Variants in NKAIN3 observed in about 807,000 individuals in gnomAD.
NKAIN3 encodes sodium/potassium transporting ATPase interacting 3.
In NKAIN3, 25 loss-of-function variants were observed where a neutral mutation model predicts 30.2. The observed-to-expected ratio is 0.83, with a 90% CI of 0.60 to 1.16. The LOEUF is 1.16. NKAIN3 is among the 50% of genes most tolerant of loss of function. The pLI is 0.00. For synonymous variants in NKAIN3, 91 were observed against 89.6 expected (o/e 1.02, Z -0.09); for missense variants, 225 against 254.1 (o/e 0.89, Z 0.78).
chr8:62,729,005 CA>C (rs1815360186), intron 3 of NKAIN3, among the ~76,000 whole-genome samples: 1 of 16,542 alleles, frequency 6.0e-5, no homozygotes, highest in Admixed American at 8.4e-4. Flanking sequence ...AAACAAAAAA[CA>C]AAACAAAACA....
intron 1 of NKAIN3, among the ~76,000 whole-genome samples, chr8:62,439,507 C>T (rs1805264465): frequency 1.3e-5 from 2 of 152,170 alleles, no homozygotes; most frequent in African/African-American, 4.8e-5. Flanking sequence ...AATAGATTTC[C>T]TTTAAGTGTC....
intron 1 of NKAIN3, among the ~76,000 whole-genome samples, chr8:62,294,289 T>G (rs945523400): frequency 9.2e-5 from 14 of 152,154 alleles, no homozygotes; most frequent in African/African-American, 3.1e-4. Flanking sequence ...ATCACCCGTC[T>G]TCTGCATCAC....
intron 4 of NKAIN3, among the ~76,000 whole-genome samples, chr8:62,827,794 C>T (rs1819071871): frequency 6.6e-6 from 1 of 152,128 alleles, no homozygotes; most frequent in African/African-American, 2.4e-5. Flanking sequence ...TAATAATTAA[C>T]ATTAAGAAAC....
In NKAIN3 at chr8:62,974,905, T is replaced by A. The variant is rs1273364067; in HGVS notation, c.*9498T>A. Among the ~76,000 whole-genome samples, 5 of 152,364 alleles carry A rather than the reference T, an allele frequency of 3.3e-5. No homozygotes were observed. The East Asian group carries it at 9.6e-4, about 29-fold the overall frequency. On this transcript the variant is annotated 3_prime_UTR_variant, in exon 7 of 7. Transcript: ENST00000623646. The stretch of plus-strand genomic sequence containing the variant: ...AATTTTGTCGAAGGCCTTTTCCGCA[T>A]CTATTGAGATAATCATGTGGTTTTT...
chr8:62,654,056 C>G (rs183834108), intron 3 of NKAIN3, among the ~76,000 whole-genome samples: 42 of 151,966 alleles, frequency 2.8e-4, no homozygotes, highest in Non-Finnish European at 5.7e-4. Context: ...TTAGAGGCAA[C>G]AGAGATGGTA....
chr8:62,573,077 A>G (rs903123812), intron 1 of NKAIN3, among the ~76,000 whole-genome samples: 36 of 152,144 alleles, frequency 2.4e-4, no homozygotes, highest in African/African-American at 8.2e-4. Flanking sequence ...TCATAAGAAA[A>G]CACCTGACTC....
chr8:62,672,503 A>G (rs1287661891), intron 3 of NKAIN3, among the ~76,000 whole-genome samples: 2 of 152,236 alleles, frequency 1.3e-5, no homozygotes, highest in Non-Finnish European at 2.9e-5. Flanking sequence ...CATTATTATC[A>G]GAAGGATGTT....
chr8:62,876,634 T>G (rs4307337), intron 4 of NKAIN3, among the ~76,000 whole-genome samples: 105,321 of 152,068 alleles, frequency 0.69, 37,136 homozygotes, highest in African/African-American at 0.78. Flanking sequence ...TATGCAGCCA[T>G]AAAAAGGAAT....
At chr8:62,949,094 C>G (rs1823207795) in intron 5 of NKAIN3, among the ~76,000 whole-genome samples, 1 of 152,214 alleles carries the variant, frequency 6.6e-6, no homozygotes, top group African/African-American at 2.4e-5. Context: ...AGGGCTACAT[C>G]TTCAACTTCA....
At chr8:62,940,292 T>G (rs4292680) in intron 5 of NKAIN3, among the ~76,000 whole-genome samples, 105,395 of 151,888 alleles carry the variant, frequency 0.69, 37,436 homozygotes, top group African/African-American at 0.85. Flanking sequence ...CCTAAGAAAT[T>G]AGATAGGCAG....
chr8:62,647,919 A>T (rs576458661), intron 3 of NKAIN3, among the ~76,000 whole-genome samples: 9 of 152,160 alleles, frequency 5.9e-5, no homozygotes, highest in Admixed American at 2.0e-4. Flanking sequence ...GATGGCTCGG[A>T]TTGGTTATGG....
chr8:62,560,526 C>G (rs968903714), intron 1 of NKAIN3, among the ~76,000 whole-genome samples: 4 of 86,992 alleles, frequency 4.6e-5, no homozygotes, highest in African/African-American at 1.5e-4. Flanking sequence ...AATCTTTTTT[C>G]TTTTCTTTTT....
intron 5 of NKAIN3, among the ~76,000 whole-genome samples, chr8:62,952,626 G>A (rs909548101): frequency 6.6e-6 from 1 of 151,928 alleles, no homozygotes; most frequent in African/African-American, 2.4e-5. Context: ...CTACATTTTA[G>A]TTGCGTTACA....
At position 62,579,122 on chromosome 8, in the gene NKAIN3, CATATGTATGCCT is replaced by C. The variant is rs541453781; in HGVS notation, c.55-412_55-401del. Reference sequence around the variant, plus strand: ...TCTACTTACCCTGCTGTGATTATTACATATGTATGCCTATATTAAGACATCACATGTACCCCA... The same window carrying C: ...TCTACTTACCCTGCTGTGATTATTACATATTAAGACATCACATGTACCCCA... On this transcript the variant is annotated intron_variant, in intron 1 of 6. Coordinates refer to ENST00000623646, the MANE Select transcript of NKAIN3 (RefSeq NM_001304533.3). Among the ~76,000 whole-genome samples the C allele has an allele frequency of 5.7e-4, 86 of 152,156 alleles. 1 individual carries two copies. The South Asian group carries it at 0.017, about 30-fold the overall frequency.
At chr8:62,721,657 C>A (rs1176078113) in intron 3 of NKAIN3, among the ~76,000 whole-genome samples, 1 of 151,996 alleles carries the variant, frequency 6.6e-6, no homozygotes, top group Non-Finnish European at 1.5e-5. Context: ...TAGATATGAA[C>A]AAGAAAAAAA....
rs1490664603 is a variant in NKAIN3, at chr8:62,972,632, G to T, written c.*7225G>T. Among the ~76,000 whole-genome samples, 1 of 152,046 alleles carries T rather than the reference G, an allele frequency of 6.6e-6. No individual in the cohort carries two copies. The highest frequency in any genetic ancestry group is 1.5e-5 in the Non-Finnish European group (1 of 68,010). Reference sequence around the variant, plus strand: ...AATAAATCCACCCCAAAATTCCTTTGCAGATCTTGAGTATTTGCCAATATT... The same window carrying T: ...AATAAATCCACCCCAAAATTCCTTTTCAGATCTTGAGTATTTGCCAATATT... On this transcript the variant is annotated 3_prime_UTR_variant, in exon 7 of 7. Coordinates refer to ENST00000623646, the MANE Select transcript of NKAIN3 (RefSeq NM_001304533.3).
chr8:62,406,407 T>A (rs1804067408), intron 1 of NKAIN3, among the ~76,000 whole-genome samples: 1 of 152,186 alleles, frequency 6.6e-6, no homozygotes, highest in South Asian at 2.1e-4. Flanking sequence ...GATTTGTTTT[T>A]CAAACATAAG....
intron 6 of NKAIN3, among the ~76,000 whole-genome samples, chr8:62,960,651 C>T (rs538026455): frequency 6.7e-6 from 1 of 150,096 alleles, no homozygotes; most frequent in South Asian, 2.1e-4. Context: ...ATATTGACAT[C>T]AAAAAAATTT....
intron 3 of NKAIN3, among the ~76,000 whole-genome samples, chr8:62,594,295 G>A (rs565246747): frequency 6.6e-6 from 1 of 152,070 alleles, no homozygotes; most frequent in Non-Finnish European, 1.5e-5. Context: ...CCACCTTATA[G>A]ACAAGAATTA....
Sources: gnomAD v4.1 joint callset for allele counts (sites outside exome capture counted in the v4.1 genomes callset) on GRCh38, gnomAD v4.1.1 for gene constraint, MANE v1.5 for transcripts, NCBI Gene and HGNC (gene_info 2026-07-23, HGNC 2026-07-21) for gene names.